The following ZSCAN5A variants were observed in gnomAD, a reference collection of about 807,000 sequenced individuals.
The protein encoded by ZSCAN5A is zinc finger and SCAN domain containing 5A.
Under a neutral mutation model 23.7 loss-of-function variants are expected in ZSCAN5A, and 12 were observed. That is an observed-to-expected ratio of 0.51 (90% confidence interval 0.32 to 0.82). The LOEUF is 0.82. Among genes scored for constraint, ZSCAN5A ranks in the 40% least tolerant of loss-of-function variants. The pLI, the probability that ZSCAN5A is intolerant of heterozygous loss-of-function variation, is 0.03. For synonymous variants in ZSCAN5A, 257 were observed against 239.9 expected (o/e 1.07, Z -0.66); for missense variants, 597 against 617.9 (o/e 0.97, Z 0.36).
chr19:56,237,385 C>T (rs2035018180), intron 2 of ZSCAN5A, among the ~76,000 whole-genome samples: 1 of 152,112 alleles, frequency 6.6e-6, no homozygotes, highest in Non-Finnish European at 1.5e-5. Flanking sequence ...CAATAAACTA[C>T]AGGAGAGAGT....
intron 2 of ZSCAN5A, among the ~76,000 whole-genome samples, chr19:56,239,881 G>A (rs1260282662): frequency 1.3e-5 from 2 of 152,052 alleles, no homozygotes; most frequent in Non-Finnish European, 2.9e-5. Flanking sequence ...TGTGGACCTA[G>A]GGCCAGGTGT....
rs568155127 is a variant in ZSCAN5A, at chr19:56,298,422, G to A, written c.-128+14861C>T. 1.6e-4 allele frequency among the ~76,000 whole-genome samples: 24 copies of A among 152,254 alleles called. No individual in the cohort carries two copies. The East Asian group carries it at 4.4e-3, about 28-fold the overall frequency. On this transcript the variant is annotated intron_variant, in intron 2 of 5. Transcript: ENST00000683990. ...GGAGGCCGAGGCAGGCGGATCACAA[G>A]GTCAGGAGATTGAGACCATCCCACC...
In ZSCAN5A at chr19:56,222,711, C is replaced by T. The variant is rs1381699289; in HGVS notation, c.619G>A (p.Asp207Asn). The change falls in exon 5 of 6, where the codon GAC becomes AAC. Residue 207 changes from aspartate to asparagine, a missense_variant. Transcript: ENST00000683990. ...AGAGACTTTGGGTCACCTGTTACGT[C>T]AATACTCTTGTGTAGCAGAAAGTCC... ...GEDFLLHKSIDVTGDPKSLRP... is the reference protein window; with the variant it reads ...GEDFLLHKSINVTGDPKSLRP... 1.2e-6 allele frequency: 2 copies of T among 1,614,044 alleles called. No individual in the cohort carries two copies. Among genetic ancestry groups the T allele is most frequent in the African/African-American group, 1.3e-5 (1 of 74,916 alleles).
intron 2 of ZSCAN5A, among the ~76,000 whole-genome samples, chr19:56,262,741 A>C (rs150418427): frequency 6.6e-6 from 1 of 152,272 alleles, no homozygotes; most frequent in East Asian, 1.9e-4. Flanking sequence ...CCTGATTTTC[A>C]TTCAACATTA....
intron 2 of ZSCAN5A, among the ~76,000 whole-genome samples, chr19:56,254,345 A>G (rs1042029023): frequency 6.6e-6 from 1 of 152,174 alleles, no homozygotes; most frequent in African/African-American, 2.4e-5. Flanking sequence ...CATCTTACCT[A>G]TTAGTTGTAA....
rs141813544 is a variant in ZSCAN5A at position 56,351,026 on chromosome 19, G to A, written c.-358+12209C>T. On this transcript the variant is annotated intron_variant, in intron 2 of 6. Coordinates refer to the ZSCAN5A transcript ENST00000587340. This position sits in a 1 kb window ranked among gnomAD's most constrained non-coding sequence, Gnocchi z 4.8. The stretch of plus-strand genomic sequence containing the variant: ...ACCACACGCCCCTTTTCAGCAGACA[G>A]TACCCAGAAAGAATCATCATCTAAC... Among the ~76,000 whole-genome samples the A allele has an allele frequency of 3.7e-4, 56 of 151,876 alleles. No homozygotes were observed. Among genetic ancestry groups the A allele is most frequent in the African/African-American group, 1.3e-3 (55 of 41,398 alleles).
intron 2 of ZSCAN5A, chr19:56,297,576 G>A (rs2039963190): frequency 1.0e-6 from 1 of 959,088 alleles, no homozygotes; most frequent in Non-Finnish European, 1.2e-6. Context: ...AAGACAGTGT[G>A]TCCCTTCTGT....
intron 2 of ZSCAN5A, chr19:56,301,993 A>G: frequency 1.6e-6 from 2 of 1,232,124 alleles, no homozygotes; most frequent in Non-Finnish European, 1.0e-6. Context: ...GCACCACCCC[A>G]TCCAGGAAAC....
intron 2 of ZSCAN5A, among the ~76,000 whole-genome samples, chr19:56,226,235 T>C (rs1163943608): frequency 6.6e-6 from 1 of 152,042 alleles, no homozygotes; most frequent in African/African-American, 2.4e-5. Flanking sequence ...GGAAGGACTT[T>C]GAGCAAGTGC....
intron 2 of ZSCAN5A, among the ~76,000 whole-genome samples, chr19:56,309,957 G>A (rs2040932308): frequency 6.6e-6 from 1 of 152,180 alleles, no homozygotes; most frequent in Non-Finnish European, 1.5e-5. Context: ...CAAACTTGGT[G>A]GAACCTAGTG....
At chr19:56,304,538 C>T (rs2040558628) in intron 2 of ZSCAN5A, among the ~76,000 whole-genome samples, 1 of 152,102 alleles carries the variant, frequency 6.6e-6, no homozygotes, top group Non-Finnish European at 1.5e-5. Flanking sequence ...GCTGAGAAAC[C>T]CCAGCTTAGG....
chr19:56,261,199 C>T (rs2037103158), intron 2 of ZSCAN5A, among the ~76,000 whole-genome samples: 1 of 137,386 alleles, frequency 7.3e-6, no homozygotes, highest in Non-Finnish European at 1.6e-5. Flanking sequence ...CAGAGCAAGA[C>T]TCTCAAAAAA....
intron 4 of ZSCAN5A, 97 bp downstream of exon 4, chr19:56,223,534 G>A (rs2033533038): frequency 1.6e-6 from 2 of 1,283,554 alleles, no homozygotes; most frequent in Admixed American, 4.4e-5. Flanking sequence ...CTCTAATCTT[G>A]TCCTGTGTCA....
chr19:56,241,403 G>C (rs1374504653), intron 2 of ZSCAN5A, among the ~76,000 whole-genome samples: 1 of 152,054 alleles, frequency 6.6e-6, no homozygotes, highest in Non-Finnish European at 1.5e-5. Flanking sequence ...AGAATTTTAG[G>C]CTCTCTTTTC....
intron 2 of ZSCAN5A, among the ~76,000 whole-genome samples, chr19:56,226,749 C>T (rs1278371229): frequency 2.6e-5 from 4 of 152,158 alleles, no homozygotes; most frequent in Non-Finnish European, 5.9e-5. Flanking sequence ...GACGTGGACT[C>T]CAAAACAGTG....
At chr19:56,274,625 AAAGC>A (rs560524015) in intron 2 of ZSCAN5A, 9 of 152,348 alleles carry the variant, frequency 5.9e-5, no homozygotes, top group African/African-American at 1.9e-4. Context: ...ACAATGACTA[AAAGC>A]AAGACCCAAC....
chr19:56,325,555 GA>G (rs548808872), intron 2 of ZSCAN5A, among the ~76,000 whole-genome samples: 122 of 152,220 alleles, frequency 8.0e-4, no homozygotes, highest in African/African-American at 2.8e-3. Flanking sequence ...ATCCCTGCCT[GA>G]AAACTGTTGC....
chr19:56,353,939 C>T (rs937995017), intron 2 of ZSCAN5A, among the ~76,000 whole-genome samples: 2 of 152,160 alleles, frequency 1.3e-5, no homozygotes, highest in South Asian at 4.1e-4. Flanking sequence ...TCTATACAAA[C>T]AATGGAATAT....
chr19:56,345,158 A>G (rs1220966962), intron 2 of ZSCAN5A, among the ~76,000 whole-genome samples: 2 of 152,098 alleles, frequency 1.3e-5, no homozygotes, highest in African/African-American at 4.8e-5. Flanking sequence ...AGACATTTCT[A>G]ATATTACTTT....
Sources: allele counts gnomAD v4.1 joint callset (sites outside exome capture counted in the v4.1 genomes callset), GRCh38; gene constraint gnomAD v4.1.1; non-coding constraint Gnocchi (gnomAD v3.1); transcripts MANE v1.5; gene names NCBI Gene and HGNC (gene_info 2026-07-23, HGNC 2026-07-21).